PCDH15: variants seen among roughly 807,000 people sequenced by gnomAD.
The protein encoded by PCDH15 is protocadherin-15.
A neutral mutation model predicts 178.5 loss-of-function variants in PCDH15; 129 were observed. The observed-to-expected ratio is 0.72, with a 90% CI of 0.63 to 0.84. The LOEUF (loss-of-function observed/expected upper bound fraction) is 0.84, where lower values mean the gene tolerates loss of function less well. Ranked by LOEUF, PCDH15 falls within the 40% of genes least tolerant of loss-of-function variation. The pLI is 0.00. For missense variants in PCDH15, 2,230 were observed against 2,099.9 expected (o/e 1.06, Z -1.21); for synonymous variants, 800 against 732.0 (o/e 1.09, Z -1.50).
intron 19 of PCDH15, among the ~76,000 whole-genome samples, chr10:54,021,383 T>C (rs1389642962): frequency 6.6e-6 from 1 of 152,006 alleles, no homozygotes; most frequent in Admixed American, 6.6e-5. Context: ...GACTTAACAA[T>C]CAGAAAGATG....
intron 1 of PCDH15, among the ~76,000 whole-genome samples, chr10:55,284,383 G>T (rs1842812237): frequency 6.6e-6 from 1 of 151,964 alleles, no homozygotes. Context: ...ATGGGTACAG[G>T]CCATTCCCCA....
At chr10:55,475,023 C>T (rs994028430) in intron 2 of PCDH15, among the ~76,000 whole-genome samples, 1 of 152,070 alleles carries the variant, frequency 6.6e-6, no homozygotes, top group Non-Finnish European at 1.5e-5. Flanking sequence ...AGTACCTTCA[C>T]AACACTCGTC....
intron 1 of PCDH15, among the ~76,000 whole-genome samples, chr10:54,707,364 G>A (rs961018421): frequency 6.6e-6 from 1 of 152,084 alleles, no homozygotes; most frequent in Non-Finnish European, 1.5e-5. Flanking sequence ...TGAGAGGAAA[G>A]GAGTCTAAAT....
At chr10:54,161,482 G>C (rs920068437) in intron 13 of PCDH15, among the ~76,000 whole-genome samples, 2 of 152,216 alleles carry the variant, frequency 1.3e-5, no homozygotes, top group South Asian at 4.1e-4. Context: ...TATAGAACTA[G>C]ATTGTGGTCA....
At chr10:54,623,304 C>A (rs1207282624) in intron 2 of PCDH15, among the ~76,000 whole-genome samples, 2 of 152,094 alleles carry the variant, frequency 1.3e-5, no homozygotes, top group African/African-American at 4.8e-5. Flanking sequence ...CTTGCCTAGA[C>A]AGTGTTATGC....
At position 54,823,735 on chromosome 10, in the gene PCDH15, TC is replaced by T. The variant is rs202152664; in HGVS notation, c.-29+73714del. On this transcript the variant is annotated intron_variant, in intron 3 of 5. Coordinates refer to the PCDH15 transcript ENST00000458638. The stretch of plus-strand genomic sequence containing the variant: ...CATTGGTGCTATTCTACTTCATTTT[TC>T]TGCAATGAAGGCTTACTCCAGCATG... Among the ~76,000 whole-genome samples, 695 of 152,190 alleles carry T rather than the reference TC, an allele frequency of 4.6e-3. 21 individuals are homozygous for T. The highest frequency in any genetic ancestry group is 0.038 in the Admixed American group (587 of 15,266).
intron 2 of PCDH15, among the ~76,000 whole-genome samples, chr10:55,515,219 C>T (rs1390203532): frequency 1.3e-5 from 2 of 151,894 alleles, no homozygotes; most frequent in African/African-American, 4.8e-5. Flanking sequence ...AAACTCCTGA[C>T]CTCAAGTGAT....
In PCDH15 at chr10:54,783,166, GAATAAT is replaced by G. The variant is rs549299668; in HGVS notation, c.-29+17753_-29+17758del. The stretch of plus-strand genomic sequence containing the variant: ...GGAAATCTATGGAATGCTTGAAAAA[GAATAAT>G]AATAATTAACAAAGAAACAGATACA... On this transcript the variant is annotated intron_variant, in intron 1 of 37. Coordinates refer to ENST00000644397, the MANE Select transcript of PCDH15 (RefSeq NM_001384140.1). Among the ~76,000 whole-genome samples the G allele has an allele frequency of 4.5e-4, 68 of 151,804 alleles. 1 individual carries two copies. The South Asian group carries it at 0.014, about 31-fold the overall frequency.
intron 3 of PCDH15, among the ~76,000 whole-genome samples, chr10:54,895,762 A>G (rs1252097799): frequency 6.6e-6 from 1 of 152,216 alleles, no homozygotes; most frequent in Non-Finnish European, 1.5e-5. Context: ...TTTGAGGTAT[A>G]TATCACTAAA....
intron 2 of PCDH15, among the ~76,000 whole-genome samples, chr10:54,614,960 C>T (rs1590538605): frequency 6.6e-6 from 1 of 152,020 alleles, no homozygotes; most frequent in East Asian, 1.9e-4. Context: ...GCTAAGTACT[C>T]AGTAAATGGT....
At chr10:54,103,087 C>T (rs1383786294) in intron 15 of PCDH15, among the ~76,000 whole-genome samples, 1 of 152,174 alleles carries the variant, frequency 6.6e-6, no homozygotes. Context: ...GGGGACCTGG[C>T]CTCCCCTTCA....
chr10:54,283,902 G>A (rs1264101200), intron 8 of PCDH15, among the ~76,000 whole-genome samples: 2 of 152,124 alleles, frequency 1.3e-5, no homozygotes, highest in African/African-American at 4.8e-5. Flanking sequence ...GGGCTGGGAT[G>A]CATTGGCACA....
chr10:53,953,636 T>C lies in PCDH15; in HGVS notation c.3122+6096A>G, dbSNP rs533210638. The stretch of plus-strand genomic sequence containing the variant: ...TTATAAATTATAAACCAGAAAAACA[T>C]CATTTTCCTTGAGAAATGTGTTTTT... On this transcript the variant is annotated intron_variant, in intron 23 of 37. Coordinates refer to ENST00000644397, the MANE Select transcript of PCDH15 (RefSeq NM_001384140.1). Among the ~76,000 whole-genome samples, 31 of 152,250 alleles carry C rather than the reference T, an allele frequency of 2.0e-4. No homozygotes were observed. In the South Asian group the frequency reaches 6.2e-3, roughly 31 times the overall value.
At chr10:55,144,225 G>A (rs1838433936) in intron 2 of PCDH15, among the ~76,000 whole-genome samples, 1 of 151,586 alleles carries the variant, frequency 6.6e-6, no homozygotes, top group Non-Finnish European at 1.5e-5. Flanking sequence ...CTTGTACAGT[G>A]AGTCAGATTC....
At chr10:55,606,594 A>G (rs1843222982) in intron 2 of PCDH15, among the ~76,000 whole-genome samples, 3 of 148,200 alleles carry the variant, frequency 2.0e-5, no homozygotes, top group Non-Finnish European at 3.0e-5. Flanking sequence ...ATAATGCTGC[A>G]TATCTACAAG....
chr10:53,986,980 T>C (rs7077514), intron 21 of PCDH15, among the ~76,000 whole-genome samples: 12,912 of 152,166 alleles, frequency 0.085, 1,575 homozygotes, highest in African/African-American at 0.27. Context: ...CCAGACATTC[T>C]TGCTCCTGAG....
intron 28 of PCDH15, among the ~76,000 whole-genome samples, chr10:53,854,120 A>C (rs1043126825): frequency 1.3e-5 from 2 of 151,992 alleles, no homozygotes; most frequent in East Asian, 3.9e-4. Context: ...AACATGGATG[A>C]ATCATGGGAA....
rs891097522 is a variant in PCDH15 at position 55,525,168 on chromosome 10, A to G, written c.-156+102457T>C. Among the ~76,000 whole-genome samples the G allele has an allele frequency of 2.6e-5, 4 of 151,908 alleles. No homozygotes were observed. The East Asian group carries it at 5.8e-4, about 22-fold the overall frequency. Reference sequence around the variant, plus strand: ...CTTAGCGCACTGTTTAGAATAAAACAGAAAGGTATAGGCAAGAGTAACAGA... The same window carrying G: ...CTTAGCGCACTGTTTAGAATAAAACGGAAAGGTATAGGCAAGAGTAACAGA... On this transcript the variant is annotated intron_variant, in intron 2 of 5. Coordinates refer to the PCDH15 transcript ENST00000613346.
chr10:55,095,041 T>C (rs1410713631), intron 2 of PCDH15, among the ~76,000 whole-genome samples: 1 of 151,258 alleles, frequency 6.6e-6, no homozygotes, highest in Non-Finnish European at 1.5e-5. Context: ...TCAACCTCAG[T>C]CTTCCAAGTA....
Sources: allele counts gnomAD v4.1 joint callset (sites outside exome capture counted in the v4.1 genomes callset), GRCh38; gene constraint gnomAD v4.1.1; transcripts MANE v1.5; gene names NCBI Gene and HGNC (gene_info 2026-07-23, HGNC 2026-07-21).